The following DPP10 variants were observed in gnomAD, a reference collection of about 807,000 sequenced individuals.
The protein encoded by DPP10 is dipeptidyl peptidase like 10, also known as inactive dipeptidyl peptidase 10.
A neutral mutation model predicts 120.9 loss-of-function variants in DPP10; 33 were observed. That is an observed-to-expected ratio of 0.27 (90% CI 0.21 to 0.37). The LOEUF is 0.37. Ranked by LOEUF, DPP10 falls within the 10% of genes least tolerant of loss-of-function variation. The probability of loss-of-function intolerance (pLI) is 1.00; values close to 1 mark genes in which losing one functional copy is unlikely to be tolerated. For missense variants in DPP10, 816 were observed against 942.8 expected (o/e 0.87, Z 1.76); for synonymous variants, 337 against 326.1 (o/e 1.03, Z -0.36).
intron 1 of DPP10, among the ~76,000 whole-genome samples, chr2:115,071,932 C>T (rs1353156428): frequency 6.6e-6 from 1 of 151,982 alleles, no homozygotes; most frequent in Non-Finnish European, 1.5e-5. Flanking sequence ...GAGGCAAGAC[C>T]AGAAATGAAT....
intron 1 of DPP10, among the ~76,000 whole-genome samples, chr2:114,876,358 A>G (rs577314233): frequency 6.6e-6 from 1 of 152,122 alleles, no homozygotes; most frequent in African/African-American, 2.4e-5. Flanking sequence ...AATTTTTCCC[A>G]TAATTTGTAG....
At chr2:114,637,468 T>C (rs1256087583) in intron 1 of DPP10, among the ~76,000 whole-genome samples, 1 of 151,982 alleles carries the variant, frequency 6.6e-6, no homozygotes, top group Non-Finnish European at 1.5e-5. Flanking sequence ...TCAAGTGCTG[T>C]GCAGAAGCTC....
intron 7 of DPP10, among the ~76,000 whole-genome samples, chr2:115,719,065 C>T (rs552975224): frequency 6.6e-6 from 1 of 152,188 alleles, no homozygotes; most frequent in African/African-American, 2.4e-5. Flanking sequence ...TTATTCATCA[C>T]GAGGTCTTCT....
intron 3 of DPP10, among the ~76,000 whole-genome samples, chr2:115,448,295 T>C (rs1362704478): frequency 6.6e-6 from 1 of 152,094 alleles, no homozygotes; most frequent in Admixed American, 6.6e-5. Context: ...CAGAATAAAA[T>C]ACCACCAGTC....
At chr2:115,471,437 A>G (rs2074709317) in intron 3 of DPP10, among the ~76,000 whole-genome samples, 1 of 152,138 alleles carries the variant, frequency 6.6e-6, no homozygotes, top group Admixed American at 6.6e-5. Flanking sequence ...TCCTTAGAAT[A>G]GTATAAGGCT....
chr2:115,118,747 TTGTGTGTGTGTGTGTG>T lies in DPP10; in HGVS notation c.61-190462_61-190447del, dbSNP rs59183186. On this transcript the variant is annotated intron_variant, in intron 1 of 25. Coordinates refer to ENST00000410059, the MANE Select transcript of DPP10 (RefSeq NM_020868.6). The stretch of plus-strand genomic sequence containing the variant: ...AGCACATGCCACCACACACAGCTAA[TTGTGTGTGTGTGTGTG>T]TGTGTGTGTGTGTGTGTGTGTGTGT... 4.6e-3 allele frequency among the ~76,000 whole-genome samples: 642 copies of T among 140,470 alleles called. 2 individuals carry two copies. The Middle Eastern group carries it at 0.046, about 10-fold the overall frequency. 92.2% of individuals were successfully genotyped at this position (140,470 alleles called of 152,430 possible). A position where few individuals can be genotyped will look rare whatever the true frequency, so the allele number is the denominator to read the frequency against.
intron 1 of DPP10, among the ~76,000 whole-genome samples, chr2:115,119,985 T>A (rs762522956): frequency 6.6e-6 from 1 of 152,236 alleles, no homozygotes; most frequent in Non-Finnish European, 1.5e-5. Context: ...GATGTGGTCT[T>A]GTACTTTTCC....
chr2:115,151,101 G>A (rs560500707), intron 1 of DPP10, among the ~76,000 whole-genome samples: 71 of 152,068 alleles, frequency 4.7e-4, no homozygotes, highest in African/African-American at 7.2e-4. Context: ...TTCTATGACC[G>A]TTATAATTGA....
intron 1 of DPP10, chr2:115,161,833 C>G: frequency 1.0e-6 from 1 of 973,930 alleles, no homozygotes; most frequent in Non-Finnish European, 1.4e-6. Flanking sequence ...TCCGCTCCCC[C>G]CACCCCGTCC....
rs1026489786 is a variant in DPP10 at position 115,007,653 on chromosome 2, G to C, written c.61-301586G>C. ...AGTCAAATTGTCCCTGTTTGCAGAC[G>C]ACATGATTGTATATCTAGAAAACCC... On this transcript the variant is annotated intron_variant, in intron 1 of 25. Transcript: ENST00000410059. Among the ~76,000 whole-genome samples, 9 of 151,562 alleles carry C rather than the reference G, an allele frequency of 5.9e-5. No individual in the cohort carries two copies. In the East Asian group the frequency reaches 7.8e-4, roughly 13 times the overall value.
At chr2:115,466,175 A>G (rs2074313045) in intron 3 of DPP10, among the ~76,000 whole-genome samples, 1 of 152,180 alleles carries the variant, frequency 6.6e-6, no homozygotes, top group African/African-American at 2.4e-5. Context: ...ACTTATGTGG[A>G]AATACCAATC....
chr2:114,577,471 C>T (rs574283675), intron 1 of DPP10, among the ~76,000 whole-genome samples: 3 of 152,204 alleles, frequency 2.0e-5, no homozygotes, highest in Admixed American at 2.0e-4. Flanking sequence ...ATAAGAGTAA[C>T]CAGAGGGGTC....
At chr2:115,017,771 G>A (rs866666105) in intron 1 of DPP10, among the ~76,000 whole-genome samples, 8 of 151,256 alleles carry the variant, frequency 5.3e-5, no homozygotes, top group Non-Finnish European at 1.0e-4. Flanking sequence ...GCCAAACATC[G>A]CATGTTCTCA....
intron 21 of DPP10, among the ~76,000 whole-genome samples, chr2:115,833,015 C>T (rs1460730509): frequency 6.6e-6 from 1 of 152,166 alleles, no homozygotes; most frequent in Non-Finnish European, 1.5e-5. Context: ...ATGCTGACAA[C>T]ACTCTCAAGT....
intron 7 of DPP10, among the ~76,000 whole-genome samples, chr2:115,725,506 A>C (rs537329998): frequency 6.6e-6 from 1 of 152,340 alleles, no homozygotes; most frequent in Non-Finnish European, 1.5e-5. Flanking sequence ...TCTACATTGA[A>C]GCAGATGTCA....
intron 3 of DPP10, among the ~76,000 whole-genome samples, chr2:115,488,778 C>G (rs2075910691): frequency 2.3e-5 from 3 of 129,324 alleles, no homozygotes; most frequent in African/African-American, 8.9e-5. Context: ...ATACCTAATG[C>G]TAGATGACAC....
chr2:114,929,474 C>A (rs186961424), intron 1 of DPP10, among the ~76,000 whole-genome samples: 1 of 152,288 alleles, frequency 6.6e-6, no homozygotes, highest in East Asian at 1.9e-4. Context: ...AGGCCTCCCC[C>A]TGGGAATGCA....
intron 1 of DPP10, among the ~76,000 whole-genome samples, chr2:114,471,166 A>G (rs941453070): frequency 2.6e-5 from 4 of 152,210 alleles, no homozygotes; most frequent in African/African-American, 9.7e-5. Context: ...TGTTTCCTCA[A>G]TACTGTTACT....
At position 115,779,898 on chromosome 2, in the gene DPP10, A is replaced by G. The variant is rs536615210; in HGVS notation, c.1362-976A>G. On this transcript the variant is annotated intron_variant, in intron 15 of 25. Coordinates refer to ENST00000410059, the MANE Select transcript of DPP10 (RefSeq NM_020868.6). ...ATAAGGAAATTTTTGGATTGTAATC[A>G]TCTCACAGTGTTTCAAATATGGAAT... Among the ~76,000 whole-genome samples the G allele has an allele frequency of 6.6e-5, 10 of 152,162 alleles. No homozygotes were observed. In the South Asian group the frequency reaches 2.1e-3, roughly 32 times the overall value.
Sources: gnomAD v4.1 joint callset for allele counts (sites outside exome capture counted in the v4.1 genomes callset) on GRCh38, gnomAD v4.1.1 for gene constraint, MANE v1.5 for transcripts, NCBI Gene and HGNC (gene_info 2026-07-23, HGNC 2026-07-21) for gene names.